Variants in ARK2N observed in about 807,000 individuals in gnomAD.
The protein encoded by ARK2N is protein ARK2N.
the ARK2N span, among the ~76,000 whole-genome samples, chr18:46,192,523 G>A: frequency 4.6e-5 from 7 of 152,122 alleles, no homozygotes; most frequent in East Asian, 9.8e-4. Context: ...GTTGCAGTGA[G>A]CTGAGATCAT....
chr18:46,237,575 G>T, the ARK2N span, among the ~76,000 whole-genome samples: 1 of 152,060 alleles, frequency 6.6e-6, no homozygotes, highest in African/African-American at 2.4e-5. Flanking sequence ...TTTTAGTAGA[G>T]ATGGGATTTC....
chr18:46,240,086 C>T, the ARK2N span: 51 of 1,614,176 alleles, frequency 3.2e-5, no homozygotes, highest in East Asian at 6.0e-4. Flanking sequence ...AATTTATTGG[C>T]GGCTGCAGTA....
the ARK2N span, among the ~76,000 whole-genome samples, chr18:46,181,416 G>T: frequency 6.6e-6 from 1 of 152,034 alleles, no homozygotes; most frequent in African/African-American, 2.4e-5. Context: ...TCCTAAGAAT[G>T]TATATAACCT....
chr18:46,187,348 CT>C, the ARK2N span, among the ~76,000 whole-genome samples: 10 of 145,492 alleles, frequency 6.9e-5, no homozygotes, highest in Admixed American at 6.8e-5. Flanking sequence ...TGATAACTGT[CT>C]TTTTTTTTTT....
At chr18:46,183,412 G>C in the ARK2N span, among the ~76,000 whole-genome samples, 1 of 152,114 alleles carries the variant, frequency 6.6e-6, no homozygotes, top group Non-Finnish European at 1.5e-5. Flanking sequence ...TGCTTCTTTT[G>C]CAGGGGATGA....
chr18:46,193,591 G>GTTT, the ARK2N span, among the ~76,000 whole-genome samples: 27 of 92,398 alleles, frequency 2.9e-4, no homozygotes, highest in Non-Finnish European at 4.1e-4. Flanking sequence ...GCCCAGCCGG[G>GTTT]TTTTTTTTTT....
chr18:46,189,819 A>G, the ARK2N span, among the ~76,000 whole-genome samples: 1 of 152,196 alleles, frequency 6.6e-6, no homozygotes, highest in African/African-American at 2.4e-5. Flanking sequence ...AGTGATGATC[A>G]TGCCCCTGCC....
the ARK2N span, chr18:46,228,659 C>T: frequency 5.1e-6 from 2 of 395,122 alleles, no homozygotes; most frequent in Non-Finnish European, 8.9e-6. Flanking sequence ...CATCTTGTCT[C>T]ACTGTAACCT....
At chr18:46,194,496 G>T in the ARK2N span, among the ~76,000 whole-genome samples, 7 of 150,066 alleles carry the variant, frequency 4.7e-5, no homozygotes, top group African/African-American at 1.7e-4. Context: ...TTTTTGAGAC[G>T]GAGTCTCGCT....
At chr18:46,174,814 G>T in the ARK2N span, among the ~76,000 whole-genome samples, 5 of 152,344 alleles carry the variant, frequency 3.3e-5, no homozygotes, top group Admixed American at 2.6e-4. Context: ...AGAGTAGGGG[G>T]TCTGGCGCCG....
the ARK2N span, chr18:46,219,147 A>C: frequency 6.6e-6 from 1 of 152,206 alleles, no homozygotes; most frequent in Non-Finnish European, 1.5e-5. Context: ...AATGCAGACC[A>C]GTGTAGTGCA....
At chr18:46,191,034 T>C in the ARK2N span, among the ~76,000 whole-genome samples, 12 of 152,170 alleles carry the variant, frequency 7.9e-5, no homozygotes, top group African/African-American at 2.7e-4. Flanking sequence ...TCATTTGATA[T>C]TATCTCGGCA....
At chr18:46,200,328 GAC>G in the ARK2N span, among the ~76,000 whole-genome samples, 9 of 151,926 alleles carry the variant, frequency 5.9e-5, no homozygotes. Context: ...TTTTTTTTAA[GAC>G]AGAGTCTTGC....
At chr18:46,262,881 T>C in the ARK2N span, 1 of 1,575,554 alleles carries the variant, frequency 6.3e-7, no homozygotes, top group Admixed American at 1.7e-5. Context: ...TCTTCTGTTT[T>C]TCCTGTGGTG....
At chr18:46,189,212 CA>C in the ARK2N span, among the ~76,000 whole-genome samples, 1,076 of 86,794 alleles carry the variant, frequency 0.012, 6 homozygotes, top group East Asian at 0.077. Flanking sequence ...GAGACTGTCT[CA>C]AAAAAAAAAA....
At chr18:46,221,818 G>A in the ARK2N span, among the ~76,000 whole-genome samples, 2,654 of 152,194 alleles carry the variant, frequency 0.017, 72 homozygotes, top group African/African-American at 0.06. Flanking sequence ...TCCATGAAGC[G>A]CAGTAATTGA....
At chr18:46,263,143 CA>C in the ARK2N span, 1 of 1,563,802 alleles carries the variant, frequency 6.4e-7, no homozygotes, top group Admixed American at 1.9e-5. Context: ...GTTTCCTCTG[CA>C]CTGTTCCCTT....
the ARK2N span, among the ~76,000 whole-genome samples, chr18:46,176,014 T>C: frequency 6.6e-6 from 1 of 152,184 alleles, no homozygotes; most frequent in Non-Finnish European, 1.5e-5. Flanking sequence ...TCAAAACCCA[T>C]ATAGTAAAGA....
At chr18:46,256,417 T>TA in the ARK2N span, among the ~76,000 whole-genome samples, 527 of 76,990 alleles carry the variant, frequency 6.8e-3, 5 homozygotes, top group African/African-American at 0.019. Flanking sequence ...TCTTCTTTTT[T>TA]TAAAAAAAAA....
Sources: allele counts gnomAD v4.1 joint callset (sites outside exome capture counted in the v4.1 genomes callset), GRCh38; gene constraint gnomAD v4.1.1; transcripts MANE v1.5; gene names NCBI Gene and HGNC (gene_info 2026-07-23, HGNC 2026-07-21).